SLC8A1: variants seen among roughly 807,000 people sequenced by gnomAD.
SLC8A1 encodes solute carrier family 8 member A1, also known as sodium/calcium exchanger 1.
A neutral mutation model predicts 68.3 loss-of-function variants in SLC8A1; 18 were observed. That is an observed-to-expected ratio of 0.26 (90% confidence interval 0.18 to 0.39). The LOEUF is 0.39. SLC8A1 is among the 10% of genes least tolerant of loss of function. The pLI is 1.00. For synonymous variants in SLC8A1, 475 were observed against 415.5 expected (o/e 1.14, Z -1.74); for missense variants, 985 against 1,156.7 (o/e 0.85, Z 2.15).
At chr2:40,428,947 C>G (rs1325477103) in exon 2 of SLC8A1, 4 of 1,613,848 alleles carry the variant, frequency 2.5e-6, no homozygotes, top group South Asian at 2.2e-5. Context: ...ATCCTCTGTT[C>G]TGAAGTCAAC....
At chr2:40,208,930 C>T (rs1390393260) in intron 2 of SLC8A1, 2 of 152,078 alleles carry the variant, frequency 1.3e-5, no homozygotes, top group South Asian at 4.1e-4. Flanking sequence ...TGGTTTAGTC[C>T]AGATGTCAGA....
intron 2 of SLC8A1, among the ~76,000 whole-genome samples, chr2:40,252,327 C>T (rs2062889944): frequency 6.6e-6 from 1 of 151,504 alleles, no homozygotes. Flanking sequence ...TTAGATAGTA[C>T]ATTTGTATTT....
chr2:40,510,126 G>A (rs1449928091), intron 1 of SLC8A1, among the ~76,000 whole-genome samples: 1 of 151,876 alleles, frequency 6.6e-6, no homozygotes. Flanking sequence ...GTGCCCGGCC[G>A]CCATTTTGTT....
intron 2 of SLC8A1, among the ~76,000 whole-genome samples, chr2:40,326,176 G>A (rs796389454): frequency 3.3e-5 from 5 of 152,106 alleles, no homozygotes; most frequent in Non-Finnish European, 7.4e-5. Flanking sequence ...CAGCCTCTTC[G>A]AACTCAGAGC....
intron 2 of SLC8A1, among the ~76,000 whole-genome samples, chr2:40,380,615 C>A (rs1681430278): frequency 6.6e-6 from 1 of 152,064 alleles, no homozygotes; most frequent in Non-Finnish European, 1.5e-5. Flanking sequence ...AAGAACACTT[C>A]AACATCCTAA....
At chr2:40,443,034 C>T (rs1236331105) in intron 1 of SLC8A1, among the ~76,000 whole-genome samples, 1 of 151,752 alleles carries the variant, frequency 6.6e-6, no homozygotes, top group East Asian at 1.9e-4. Flanking sequence ...CGTTCTCACT[C>T]ATAAGTAGGA....
chr2:40,229,367 A>G (rs1428764763), intron 2 of SLC8A1, among the ~76,000 whole-genome samples: 1 of 152,202 alleles, frequency 6.6e-6, no homozygotes, highest in African/African-American at 2.4e-5. Flanking sequence ...TTGTAATTAC[A>G]GATACCAATC....
At chr2:40,126,339 C>G (rs979220552) in intron 7 of SLC8A1, among the ~76,000 whole-genome samples, 1 of 152,172 alleles carries the variant, frequency 6.6e-6, no homozygotes, top group Non-Finnish European at 1.5e-5. Flanking sequence ...TGCAAGGGGT[C>G]TATCTTCCTG....
chr2:40,316,518 G>T (rs2074467862), intron 2 of SLC8A1, among the ~76,000 whole-genome samples: 1 of 149,448 alleles, frequency 6.7e-6, no homozygotes, highest in African/African-American at 2.5e-5. Flanking sequence ...TTAAAATTAG[G>T]AACATGTGTT....
intron 2 of SLC8A1, among the ~76,000 whole-genome samples, chr2:40,264,338 T>C (rs1406759210): frequency 6.6e-6 from 1 of 152,132 alleles, no homozygotes. Flanking sequence ...GACCCAGCCA[T>C]CCCGTTACTG....
intron 2 of SLC8A1, among the ~76,000 whole-genome samples, chr2:40,309,173 G>A (rs1304788314): frequency 1.3e-5 from 2 of 152,138 alleles, no homozygotes; most frequent in African/African-American, 4.8e-5. Context: ...AGGTGACAGT[G>A]CTTTAGGTAA....
At chr2:40,179,443 T>C (rs761432027) in intron 2 of SLC8A1, among the ~76,000 whole-genome samples, 5 of 152,224 alleles carry the variant, frequency 3.3e-5, no homozygotes, top group Non-Finnish European at 5.9e-5. Flanking sequence ...ATCTCAACTT[T>C]CCATAAGCAT....
intron 2 of SLC8A1, among the ~76,000 whole-genome samples, chr2:40,421,365 GC>G (rs1362155750): frequency 6.6e-6 from 1 of 152,108 alleles, no homozygotes; most frequent in African/African-American, 2.4e-5. Flanking sequence ...TCCAAGTTTA[GC>G]GATCCTCCTA....
chr2:40,372,952 C>T (rs1248229089), intron 2 of SLC8A1, among the ~76,000 whole-genome samples: 1 of 151,420 alleles, frequency 6.6e-6, no homozygotes, highest in African/African-American at 2.4e-5. Context: ...TATGGGAACA[C>T]AAAGGAAAAA....
intron 1 of SLC8A1, among the ~76,000 whole-genome samples, chr2:40,502,258 T>C (rs1273323351): frequency 6.6e-6 from 1 of 152,094 alleles, no homozygotes; most frequent in African/African-American, 2.4e-5. Context: ...CCTCATGTCA[T>C]TCATCTAACC....
chr2:40,357,271 C>A (rs1044290482), intron 2 of SLC8A1, among the ~76,000 whole-genome samples: 1 of 152,072 alleles, frequency 6.6e-6, no homozygotes, highest in Admixed American at 6.6e-5. Flanking sequence ...GCAGGAGGAT[C>A]CCTTGAGCCC....
At chr2:40,349,438 A>G (rs1177654162) in intron 2 of SLC8A1, among the ~76,000 whole-genome samples, 1 of 152,212 alleles carries the variant, frequency 6.6e-6, no homozygotes, top group South Asian at 2.1e-4. Context: ...AAGCAGAATA[A>G]AAGACTTTCT....
At chr2:40,486,906 C>T (rs995464755) in intron 1 of SLC8A1, among the ~76,000 whole-genome samples, 1 of 127,274 alleles carries the variant, frequency 7.9e-6, no homozygotes, top group Non-Finnish European at 1.6e-5. Flanking sequence ...ATGGATGAAG[C>T]TGGAAACCAT....
At chr2:40,509,075 T>C (rs1358885905) in intron 1 of SLC8A1, among the ~76,000 whole-genome samples, 1 of 152,224 alleles carries the variant, frequency 6.6e-6, no homozygotes, top group African/African-American at 2.4e-5. Flanking sequence ...GTTTCCCTTG[T>C]ATTACTTCAC....
Sources: allele counts gnomAD v4.1 joint callset (sites outside exome capture counted in the v4.1 genomes callset), GRCh38; gene constraint gnomAD v4.1.1; transcripts MANE v1.5; gene names NCBI Gene and HGNC (gene_info 2026-07-23, HGNC 2026-07-21).